Variants in PPP3CC observed in about 807,000 individuals in gnomAD.
The protein encoded by PPP3CC is serine/threonine-protein phosphatase 2B catalytic subunit gamma isoform.
Under a neutral mutation model 60.3 loss-of-function variants are expected in PPP3CC, and 35 were observed. That is an observed-to-expected ratio of 0.58 (90% CI 0.44 to 0.77). The LOEUF is 0.77. PPP3CC is among the 30% of genes least tolerant of loss of function. PPP3CC has a pLI of 0.00. For missense variants in PPP3CC, 570 were observed against 628.9 expected (o/e 0.91, Z 1.00); for synonymous variants, 206 against 224.3 (o/e 0.92, Z 0.73).
At chr8:22,492,904 A>G (rs1282910414) in intron 3 of PPP3CC, 4 of 1,195,726 alleles carry the variant, frequency 3.3e-6, no homozygotes, top group Non-Finnish European at 5.0e-6. Flanking sequence ...CAGCTGATGG[A>G]AATGCTACCC....
At chr8:22,518,849 G>C (rs1163208465) in intron 6 of PPP3CC, among the ~76,000 whole-genome samples, 1 of 152,100 alleles carries the variant, frequency 6.6e-6, no homozygotes, top group African/African-American at 2.4e-5. Context: ...ATCACGCCCA[G>C]CTAATTTTTG....
chr8:22,451,581 G>C (rs1429247914), intron 1 of PPP3CC, among the ~76,000 whole-genome samples: 1 of 152,158 alleles, frequency 6.6e-6, no homozygotes, highest in Admixed American at 6.5e-5. Flanking sequence ...ATCAAAACCT[G>C]GGGACATAAC....
At chr8:22,519,933 G>C (rs1349162227) in intron 6 of PPP3CC, among the ~76,000 whole-genome samples, 7 of 49,508 alleles carry the variant, frequency 1.4e-4, no homozygotes, top group Non-Finnish European at 2.9e-4. Context: ...TGGGATTACA[G>C]GCACGAGCCA....
At chr8:22,470,402 A>G (rs1379418221) in intron 1 of PPP3CC, among the ~76,000 whole-genome samples, 4 of 152,204 alleles carry the variant, frequency 2.6e-5, no homozygotes, top group African/African-American at 9.6e-5. Flanking sequence ...CATTTTCTAT[A>G]TTCAAAAACA....
chr8:22,472,722 A>G (rs1326083318), intron 1 of PPP3CC, among the ~76,000 whole-genome samples: 2 of 152,264 alleles, frequency 1.3e-5, no homozygotes, highest in East Asian at 1.9e-4. Flanking sequence ...TTGGGGGTCC[A>G]TGTTTTCACA....
intron 8 of PPP3CC, among the ~76,000 whole-genome samples, chr8:22,525,877 T>C (rs1291093791): frequency 6.7e-6 from 1 of 149,254 alleles, no homozygotes; most frequent in African/African-American, 2.5e-5. Context: ...TATTATTTTT[T>C]TTTTTTCAGA....
At chr8:22,531,892 T>C (rs1456988489) in intron 10 of PPP3CC, among the ~76,000 whole-genome samples, 1 of 152,250 alleles carries the variant, frequency 6.6e-6, no homozygotes, top group Non-Finnish European at 1.5e-5. Flanking sequence ...GTAGCAGCTT[T>C]CTTTGTGAGG....
intron 4 of PPP3CC, among the ~76,000 whole-genome samples, chr8:22,498,661 T>C (rs1181121653): frequency 6.6e-6 from 1 of 152,242 alleles, no homozygotes; most frequent in East Asian, 1.9e-4. Context: ...TTCCATATCA[T>C]TAAGTATTTT....
intron 4 of PPP3CC, among the ~76,000 whole-genome samples, chr8:22,505,260 C>T (rs964526455): frequency 2.6e-5 from 4 of 152,010 alleles, no homozygotes; most frequent in South Asian, 2.1e-4. Flanking sequence ...CTCCTGACCT[C>T]GTGATCCACC....
At chr8:22,515,829 A>G (rs1280947773) in intron 6 of PPP3CC, among the ~76,000 whole-genome samples, 1 of 152,142 alleles carries the variant, frequency 6.6e-6, no homozygotes, top group Non-Finnish European at 1.5e-5. Context: ...GATTTTTCCT[A>G]TTGAATTGTT....
intron 1 of PPP3CC, among the ~76,000 whole-genome samples, chr8:22,465,508 G>A (rs187336891): frequency 7.9e-5 from 12 of 152,266 alleles, no homozygotes; most frequent in African/African-American, 2.9e-4. Flanking sequence ...CTAATGAGAG[G>A]TGTTTAGGTC....
chr8:22,513,289 C>G lies in PPP3CC; in HGVS notation c.631-4C>G. On this transcript the variant is annotated splice_polypyrimidine_tract_variant and splice_region_variant and intron_variant, in intron 5 of 13. Coordinates refer to ENST00000240139, the MANE Select transcript of PPP3CC (RefSeq NM_005605.5). ...TTTTCTTTTGGCTTTTGTGTGTCTTCTAGTTAGACAGGTTTACGGAACCTC... is the reference window on the plus strand; with the variant it reads ...TTTTCTTTTGGCTTTTGTGTGTCTTGTAGTTAGACAGGTTTACGGAACCTC... The G allele has an allele frequency of 6.2e-7, 1 of 1,607,200 alleles. No individual in the cohort carries two copies. The highest frequency in any genetic ancestry group is 8.5e-7 in the Non-Finnish European group (1 of 1,177,942).
At chr8:22,449,302 A>T (rs1197035523) in intron 1 of PPP3CC, among the ~76,000 whole-genome samples, 11 of 151,860 alleles carry the variant, frequency 7.2e-5, no homozygotes, top group Non-Finnish European at 4.4e-5. Context: ...ATAAAAAATT[A>T]GCCAGGTGTG....
chr8:22,498,077 G>A lies in PPP3CC; in HGVS notation c.449G>A (p.Arg150Lys). Reference protein sequence around the residue: ...LFLLRGNHECRHLTDYFTFKQ... With the variant: ...LFLLRGNHECKHLTDYFTFKQ... ...CTGCTTCGGGGAAATCATGAATGCA[G>A]GCATCTTACAGACTATTTCACCTTC... The change falls in exon 4 of 14, where the codon AGG becomes AAG. Residue 150 changes from arginine (R) to lysine (K), a missense_variant. Coordinates refer to ENST00000240139, the MANE Select transcript of PPP3CC (RefSeq NM_005605.5). 1 of 1,612,544 alleles carries A rather than the reference G, an allele frequency of 6.2e-7. No individual in the cohort carries two copies. Among genetic ancestry groups the A allele is most frequent in the Non-Finnish European group, 8.5e-7 (1 of 1,178,874 alleles).
At chr8:22,470,555 T>C (rs1837691576) in intron 1 of PPP3CC, among the ~76,000 whole-genome samples, 1 of 152,180 alleles carries the variant, frequency 6.6e-6, no homozygotes, top group Non-Finnish European at 1.5e-5. Flanking sequence ...ACAAGAACTT[T>C]CGTCAGTCAA....
chr8:22,538,101 G>T (rs956748357), intron 12 of PPP3CC, among the ~76,000 whole-genome samples: 1 of 152,122 alleles, frequency 6.6e-6, no homozygotes, highest in African/African-American at 2.4e-5. Context: ...CAAAAGTTCG[G>T]GTCATTTGAT....
intron 3 of PPP3CC, among the ~76,000 whole-genome samples, chr8:22,496,485 CTTTTTTTTTTTTTTTTTTTT>C (rs71206523): frequency 2.3e-5 from 1 of 43,564 alleles, no homozygotes; most frequent in Non-Finnish European, 4.2e-5. Flanking sequence ...GAACTGTAAT[CTTTTTTTTTTTTTTTTTTTT>C]TTTTTTTTTT....
intron 3 of PPP3CC, among the ~76,000 whole-genome samples, chr8:22,497,667 T>C (rs1461800743): frequency 2.0e-5 from 3 of 152,180 alleles, no homozygotes; most frequent in African/African-American, 7.2e-5. Flanking sequence ...GCAGAGATAG[T>C]AAATATTCTT....
chr8:22,530,427 C>G (rs1839674939), intron 10 of PPP3CC, among the ~76,000 whole-genome samples: 1 of 151,832 alleles, frequency 6.6e-6, no homozygotes, highest in Admixed American at 6.6e-5. Flanking sequence ...TACACTCTAG[C>G]CTGGCCAACA....
Sources: gnomAD v4.1 joint callset for allele counts (sites outside exome capture counted in the v4.1 genomes callset) on GRCh38, gnomAD v4.1.1 for gene constraint, MANE v1.5 for transcripts, NCBI Gene and HGNC (gene_info 2026-07-23, HGNC 2026-07-21) for gene names.